The following RAB8A variants were observed in gnomAD, a reference collection of about 807,000 sequenced individuals.
RAB8A encodes the protein RAB8A, member RAS oncogene family.
A neutral mutation model predicts 29.2 loss-of-function variants in RAB8A; 5 were observed. That is an observed-to-expected ratio of 0.17 (90% CI 0.09 to 0.36). The LOEUF (loss-of-function observed/expected upper bound fraction) is 0.36. Ranked by LOEUF, RAB8A falls within the 10% of genes least tolerant of loss-of-function variation. RAB8A has a pLI of 1.00. For synonymous variants in RAB8A, 108 were observed against 99.9 expected (o/e 1.08, Z -0.49); for missense variants, 171 against 272.2 (o/e 0.63, Z 2.62).
At position 16,134,195 on chromosome 19, in the gene RAB8A, ACCC is replaced by A. The variant is rs915200023; in HGVS notation, c.*1893_*1895del. On this transcript the variant is annotated 3_prime_UTR_variant, in exon 8 of 8. Coordinates refer to ENST00000300935, the MANE Select transcript of RAB8A (RefSeq NM_005370.5). Reference sequence around the variant, plus strand: ...GAATCCTCTCACAGTGGGGTCACACACCCCATGCTTAACTCCCCCAACAATGAG... The same window carrying A: ...GAATCCTCTCACAGTGGGGTCACACACATGCTTAACTCCCCCAACAATGAG... The A allele has an allele frequency of 6.6e-6, 1 of 152,142 alleles. No homozygotes were observed. The highest frequency in any genetic ancestry group is 2.4e-5 in the African/African-American group (1 of 41,398). The allele number at this position is 152,142 out of a possible 1,614,324, so 9.4% of individuals were successfully genotyped here.
chr19:16,112,113 G>A, intron 1 of RAB8A, 88 bp downstream of exon 1: 3 of 1,544,174 alleles, frequency 1.9e-6, no homozygotes, highest in Non-Finnish European at 2.6e-6. Context: ...CTACAGGGCT[G>A]GACGGGCCGA....
intron 3 of RAB8A, chr19:16,124,121 CCT>C (rs1157722253): frequency 6.6e-6 from 1 of 152,250 alleles, no homozygotes; most frequent in African/African-American, 2.4e-5. Context: ...CCCCACGCCC[CCT>C]GTCCCTGACC....
rs1356068670 is a variant in RAB8A, at chr19:16,125,453, C to G, written c.247-17C>G. On this transcript the variant is annotated splice_polypyrimidine_tract_variant and intron_variant, in intron 3 of 7. Transcript: ENST00000300935. This position sits in a 1 kb window ranked among gnomAD's most constrained non-coding sequence, Gnocchi z 5.0. Reference sequence around the variant, plus strand: ...CCTGCAGCCGATCAGGCACCTGTGTCTTCTCTCCCCGCGCAGGGCATCATG... The same window carrying G: ...CCTGCAGCCGATCAGGCACCTGTGTGTTCTCTCCCCGCGCAGGGCATCATG... 2 of 1,612,044 alleles carry G rather than the reference C, an allele frequency of 1.2e-6. No homozygotes were observed. The highest frequency in any genetic ancestry group is 3.3e-5 in the Admixed American group (2 of 59,978).
At chr19:16,121,402 A>T (rs2090874897) in intron 2 of RAB8A, among the ~76,000 whole-genome samples, 1 of 152,098 alleles carries the variant, frequency 6.6e-6, no homozygotes, top group Non-Finnish European at 1.5e-5. Flanking sequence ...GCTTTTCCTG[A>T]GTCCCAGCCA....
In RAB8A at chr19:16,121,759, C is replaced by A; in HGVS notation, c.195C>A (p.Ala65=). The change falls in exon 3 of 8, where the codon GCC becomes GCA. Residue 65 remains alanine, a synonymous_variant. Transcript: ENST00000300935. ...TTCTCTTCATGTTTAGGGACACAGC[C>A]GGTCAGGAACGGTTTCGGACGATCA... ...KRIKLQIWDT[A]GQERFRTITT... 1 of 1,613,846 alleles carries A rather than the reference C, an allele frequency of 6.2e-7. No homozygotes were observed. The highest frequency in any genetic ancestry group is 8.5e-7 in the Non-Finnish European group (1 of 1,179,758).
At chr19:16,128,901 G>T (rs916299882) in intron 6 of RAB8A, among the ~76,000 whole-genome samples, 9 of 152,164 alleles carry the variant, frequency 5.9e-5, no homozygotes. Context: ...CTCCTCTCCA[G>T]AACCTCCCAC....
chr19:16,121,169 G>A (rs1181540947), intron 2 of RAB8A, among the ~76,000 whole-genome samples: 3 of 151,732 alleles, frequency 2.0e-5, no homozygotes, highest in African/African-American at 7.3e-5. Flanking sequence ...CACCTGCCTC[G>A]GCCTCCCAAA....
chr19:16,122,457 C>T lies in RAB8A; in HGVS notation c.246+647C>T, dbSNP rs1297393370. 6.6e-6 allele frequency among the ~76,000 whole-genome samples: 1 copy of T among 152,216 alleles called. No homozygotes were observed. The highest frequency in any genetic ancestry group is 1.9e-4 in the East Asian group (1 of 5,196). ...ACCTGACCTGAGACCCTGGCTTGCC[C>T]ACTGAGCTCCATCTCCTGACTTGGA... is the stretch of plus-strand genomic sequence containing the variant. On this transcript the variant is annotated intron_variant, in intron 3 of 7. Transcript: ENST00000300935. The surrounding 1 kb of genome is among the most constrained non-coding windows in gnomAD (Gnocchi z 4.7).
intron 1 of RAB8A, among the ~76,000 whole-genome samples, chr19:16,115,627 C>T (rs935152651): frequency 6.6e-6 from 1 of 152,176 alleles, no homozygotes; most frequent in African/African-American, 2.4e-5. Context: ...TTTGATCCAG[C>T]CATATTTTGC....
In RAB8A at chr19:16,127,442, C is replaced by T; in HGVS notation, c.330C>T (p.Ala110=). ...TCTGTCCCCCTCCCTCTCAGCACGC[C>T]TCTGCAGACGTCGAAAAGATGATAC... is the stretch of plus-strand genomic sequence containing the variant. ...RNWIRNIEEH[A]SADVEKMILG... is the part of the protein sequence containing the mutation. The change falls in exon 5 of 8, where the codon GCC becomes GCT. Residue 110 remains alanine (A), a synonymous_variant. Transcript: ENST00000300935. This position sits in a 1 kb window ranked among gnomAD's most constrained non-coding sequence, Gnocchi z 4.8. The T allele has an allele frequency of 2.0e-6, 3 of 1,513,322 alleles. No individual in the cohort carries two copies. In the South Asian group the frequency reaches 4.1e-5, roughly 21 times the overall value. The allele number at this position is 1,513,322 out of a possible 1,614,324, so 93.7% of individuals were successfully genotyped here.
chr19:16,119,025 A>G (rs867614162), intron 2 of RAB8A, among the ~76,000 whole-genome samples: 3 of 152,164 alleles, frequency 2.0e-5, no homozygotes, highest in African/African-American at 7.2e-5. Flanking sequence ...ATTTAAGAGC[A>G]TGGTGCAATT....
At chr19:16,117,243 C>T (rs974988934) in intron 1 of RAB8A, among the ~76,000 whole-genome samples, 2 of 151,988 alleles carry the variant, frequency 1.3e-5, no homozygotes, top group East Asian at 3.9e-4. Flanking sequence ...AATCCCAGCA[C>T]TTTGGGAGGC....
chr19:16,131,852 ATGGTTGGTTGGTTGGT>A lies in RAB8A; in HGVS notation c.532-328_532-313del, dbSNP rs72439769. Among the ~76,000 whole-genome samples, 1,234 of 142,516 alleles carry A rather than the reference ATGGTTGGTTGGTTGGT, an allele frequency of 8.7e-3. 14 individuals carry two copies. Among genetic ancestry groups the A allele is most frequent in the African/African-American group, 0.03 (1,150 of 37,940 alleles). 93.5% of individuals were successfully genotyped at this position (142,516 alleles called of 152,430 possible). A position where few individuals can be genotyped will look rare whatever the true frequency, so the allele number is the denominator to read the frequency against. ...TGGATGGTTGAAAGGGTATAGATGGATGGTTGGTTGGTTGGTTGGTTGGTTGGTTGGTTGGTTGGTT... is the reference window on the plus strand; with the variant it reads ...TGGATGGTTGAAAGGGTATAGATGGATGGTTGGTTGGTTGGTTGGTTGGTT... On this transcript the variant is annotated intron_variant, in intron 7 of 7. Transcript: ENST00000300935.
chr19:16,125,500 G>A lies in RAB8A; in HGVS notation c.277G>A (p.Glu93Lys), dbSNP rs1049101274. The stretch of plus-strand genomic sequence containing the variant: ...CATGCTGGTCTACGACATCACCAAC[G>A]AGAAGTCCTTCGACAACATCCGGAA... Reference protein sequence around the residue: ...GIMLVYDITNEKSFDNIRNWI... With the variant: ...GIMLVYDITNKKSFDNIRNWI... The change falls in exon 4 of 8, where the codon GAG becomes AAG. Residue 93 changes from glutamate (E) to lysine (K), a missense_variant. Glu to Lys is a moderately conservative substitution (Grantham distance 56). This residue lies in a region of RAB8A where 145 missense variants were observed against 212.8 expected (regional missense o/e 0.68). Coordinates refer to ENST00000300935, the MANE Select transcript of RAB8A (RefSeq NM_005370.5). The surrounding 1 kb of genome is among the most constrained non-coding windows in gnomAD (Gnocchi z 5.0). 33 of 1,614,042 alleles carry A rather than the reference G, an allele frequency of 2.0e-5. No individual in the cohort carries two copies. Among genetic ancestry groups the A allele is most frequent in the Non-Finnish European group, 2.5e-5 (30 of 1,180,008 alleles).
At chr19:16,121,863 G>T in intron 3 of RAB8A, 53 bp downstream of exon 3, 1 of 1,516,384 alleles carries the variant, frequency 6.6e-7, no homozygotes, top group Non-Finnish European at 9.2e-7. Context: ...CAACATGGGA[G>T]CGTCACTGTG....
In RAB8A at chr19:16,125,523, G is replaced by C. The variant is rs762895608; in HGVS notation, c.300G>C (p.Arg100=). ...ITNEKSFDNI[R]NWIRNIEEHA... The stretch of plus-strand genomic sequence containing the variant: ...ACGAGAAGTCCTTCGACAACATCCG[G>C]AACTGGATTCGCAACATTGAGGAGG... The change falls in exon 4 of 8, where the codon CGG becomes CGC. Residue 100 remains arginine (R), a synonymous_variant. Coordinates refer to ENST00000300935, the MANE Select transcript of RAB8A (RefSeq NM_005370.5). The surrounding 1 kb of genome is among the most constrained non-coding windows in gnomAD (Gnocchi z 5.0). The C allele has an allele frequency of 6.2e-7, 1 of 1,614,072 alleles. No individual in the cohort carries two copies. The highest frequency in any genetic ancestry group is 1.7e-5 in the Admixed American group (1 of 60,016).
intron 6 of RAB8A, among the ~76,000 whole-genome samples, chr19:16,128,954 G>C (rs566273846): frequency 8.5e-5 from 13 of 152,306 alleles, no homozygotes; most frequent in African/African-American, 3.1e-4. Flanking sequence ...CGCCATCTCT[G>C]TATGTCCCCT....
chr19:16,115,825 G>GT (rs1475953226), intron 1 of RAB8A, among the ~76,000 whole-genome samples: 1 of 152,158 alleles, frequency 6.6e-6, no homozygotes, highest in Non-Finnish European at 1.5e-5. Flanking sequence ...GGGAGCTTAC[G>GT]TTTGAGAGGG....
At position 16,127,542 on chromosome 19, in the gene RAB8A, C is replaced by T; in HGVS notation, c.414+16C>T. On this transcript the variant is annotated intron_variant, in intron 5 of 7. Coordinates refer to ENST00000300935, the MANE Select transcript of RAB8A (RefSeq NM_005370.5). The surrounding 1 kb of genome is among the most constrained non-coding windows in gnomAD (Gnocchi z 4.8). The stretch of plus-strand genomic sequence containing the variant: ...GGGAGAAAAGGTGGGCATGGTGGCA[C>T]AAGGGGCAGAGGGCCTCGGGGTCTT... The T allele has an allele frequency of 6.6e-7, 1 of 1,504,648 alleles. No individual in the cohort carries two copies. Among genetic ancestry groups the T allele is most frequent in the South Asian group, 1.4e-5 (1 of 72,784 alleles). 93.2% of individuals were successfully genotyped at this position (1,504,648 alleles called of 1,614,324 possible). A position where few individuals can be genotyped will look rare whatever the true frequency, so the allele number is the denominator to read the frequency against.
Sources: allele counts gnomAD v4.1 joint callset (sites outside exome capture counted in the v4.1 genomes callset), GRCh38; gene constraint gnomAD v4.1.1; regional missense constraint gnomAD v4.1.1; non-coding constraint Gnocchi (gnomAD v3.1); transcripts MANE v1.5; gene names NCBI Gene and HGNC (gene_info 2026-07-23, HGNC 2026-07-21).